FSIP2: variants seen among roughly 807,000 people sequenced by gnomAD.
FSIP2 encodes fibrous sheath interacting protein 2.
Under a neutral mutation model 510.5 loss-of-function variants are expected in FSIP2, and 367 were observed. That is an observed-to-expected ratio of 0.72 (90% CI 0.66 to 0.78). FSIP2 has a LOEUF of 0.78. FSIP2 is among the 30% of genes least tolerant of loss of function. The pLI is 0.00. For missense variants in FSIP2, 7,594 were observed against 7,901.7 expected (o/e 0.96, Z 1.48); for synonymous variants, 2,601 against 2,732.2 (o/e 0.95, Z 1.50).
rs549690641 is a variant in FSIP2, at chr2:185,769,823, C to T, written c.1411+5258C>T. Among the ~76,000 whole-genome samples, 6 of 152,144 alleles carry T rather than the reference C, an allele frequency of 3.9e-5. No individual in the cohort carries two copies. In the East Asian group the frequency reaches 5.8e-4, roughly 15 times the overall value. On this transcript the variant is annotated intron_variant, in intron 13 of 22. Transcript: ENST00000424728. ...TAGGAGGGGCCCAGTTTTGATCTTC[C>T]GCATATGGCTAGCCAGTTATTCCAG... is the stretch of plus-strand genomic sequence containing the variant.
chr2:185,743,600 T>C (rs1352233404), intron 3 of FSIP2, among the ~76,000 whole-genome samples: 1 of 152,186 alleles, frequency 6.6e-6, no homozygotes, highest in Non-Finnish European at 1.5e-5. Flanking sequence ...TTTCTCTGTC[T>C]TTAATGGCAC....
At position 185,760,453 on chromosome 2, in the gene FSIP2, G is replaced by T. The variant is rs572705637; in HGVS notation, c.1079-535G>T. ...CATGACCTGTACATGAAAGTTCAAA[G>T]AAATTTATTATTTATAAATTTTATT... On this transcript the variant is annotated intron_variant, in intron 9 of 22. Coordinates refer to ENST00000424728, the MANE Select transcript of FSIP2 (RefSeq NM_173651.4). 4.8e-5 allele frequency among the ~76,000 whole-genome samples: 7 copies of T among 147,186 alleles called. No homozygotes were observed. In the South Asian group the frequency reaches 1.5e-3, roughly 31 times the overall value.
chr2:185,801,839 C>A lies in FSIP2; in HGVS notation c.12533C>A (p.Ser4178Tyr), dbSNP rs1231462154. 1 of 1,484,668 alleles carries A rather than the reference C, an allele frequency of 6.7e-7. No homozygotes were observed. The highest frequency in any genetic ancestry group is 8.9e-7 in the Non-Finnish European group (1 of 1,120,382). The allele number at this position is 1,484,668 out of a possible 1,614,324, so 92.0% of individuals were successfully genotyped here. ...YLMSSDFNEM[S>Y]TCIINKVMSA... ...ATGAGTTCTGATTTTAATGAAATGT[C>A]CACTTGTATAATAAATAAGGTTATG... The change falls in exon 17 of 23, where the codon TCC becomes TAC. Residue 4178 changes from serine to tyrosine, a missense_variant. Transcript: ENST00000424728.
chr2:185,771,956 A>T (rs377417472), intron 13 of FSIP2, among the ~76,000 whole-genome samples: 26 of 152,318 alleles, frequency 1.7e-4, no homozygotes, highest in African/African-American at 6.0e-4. Context: ...TTTGCTGCTT[A>T]GAAATTTGTT....
chr2:185,787,647 G>A (rs1001251225), intron 15 of FSIP2, among the ~76,000 whole-genome samples: 1 of 151,722 alleles, frequency 6.6e-6, no homozygotes, highest in Non-Finnish European at 1.5e-5. Context: ...TATATTTGCA[G>A]TTGCTAAATA....
rs1692042189 is a variant in FSIP2, at chr2:185,746,778, A to G, written c.727A>G (p.Arg243Gly). ...EERRQREHTR[R>G]KLTLRRKIEE... ...AAGACGACAGCGGGAACACACAAGAAGAAAACTTACTCTTCGTAGAAAAAT... is the reference window on the plus strand; with the variant it reads ...AAGACGACAGCGGGAACACACAAGAGGAAAACTTACTCTTCGTAGAAAAAT... Residue 243 changes from arginine (R) to glycine (G), a missense_variant, in exon 6 of 23, where the codon AGA (arginine) becomes GGA (glycine). Transcript: ENST00000424728. The G allele has an allele frequency of 6.6e-7, 1 of 1,525,546 alleles. No homozygotes were observed. Among genetic ancestry groups the G allele is most frequent in the Non-Finnish European group, 8.7e-7 (1 of 1,143,426 alleles). The allele number at this position is 1,525,546 out of a possible 1,614,324, so 94.5% of individuals were successfully genotyped here. A position where few individuals can be genotyped will look rare whatever the true frequency, so the allele number is the denominator to read the frequency against.
At chr2:185,762,657 T>C (rs1205248763) in intron 11 of FSIP2, among the ~76,000 whole-genome samples, 3 of 151,386 alleles carry the variant, frequency 2.0e-5, no homozygotes, top group Non-Finnish European at 3.0e-5. Context: ...TTTCTGCCTA[T>C]TCTACTTCCT....
At position 185,807,075 on chromosome 2, in the gene FSIP2, T is replaced by G; in HGVS notation, c.17769T>G (p.Asn5923Lys). ...VNKVVHSSVC[N>K]ILNDYGSQDS... The stretch of plus-strand genomic sequence containing the variant: ...AAGTTGTTCACTCCTCTGTTTGTAA[T>G]ATTTTAAATGACTATGGATCTCAAG... Residue 5923 changes from asparagine to lysine, a missense_variant, in exon 17 of 23, where the codon AAT becomes AAG. Physicochemically the swap from Asn to Lys is moderately conservative, Grantham distance 94. Transcript: ENST00000424728. 1.3e-6 allele frequency: 2 copies of G among 1,590,270 alleles called. No individual in the cohort carries two copies. The highest frequency in any genetic ancestry group is 1.7e-6 in the Non-Finnish European group (2 of 1,172,164).
Position 185,804,366 on chromosome 2 carries a change from G to C in FSIP2, c.15060G>C (p.Met5020Ile), listed in dbSNP as rs1184920751. 10 of 1,497,780 alleles carry C rather than the reference G, an allele frequency of 6.7e-6. No homozygotes were observed. Among genetic ancestry groups the C allele is most frequent in the Non-Finnish European group, 8.8e-6 (10 of 1,131,018 alleles). 92.8% of individuals were successfully genotyped at this position (1,497,780 alleles called of 1,614,324 possible). A position where few individuals can be genotyped will look rare whatever the true frequency, so the allele number is the denominator to read the frequency against. Residue 5020 changes from methionine (M) to isoleucine (I), a missense_variant, in exon 17 of 23, where the codon ATG (methionine) becomes ATC (isoleucine). By Grantham distance (10) the Met-to-Ile change is conservative. Transcript: ENST00000424728. ...NLCFSERYKE[M>I]VQKIVNSVYG... ...GTTTCTCAGAAAGATACAAAGAAAT[G>C]GTTCAAAAAATAGTCAACTCAGTAT... is the stretch of plus-strand genomic sequence containing the variant.
chr2:185,808,870 G>T lies in FSIP2; in HGVS notation c.19564G>T (p.Val6522Phe). The T allele has an allele frequency of 6.2e-7, 1 of 1,609,584 alleles. No individual in the cohort carries two copies. Among genetic ancestry groups the T allele is most frequent in the East Asian group, 2.2e-5 (1 of 44,754 alleles). Residue 6522 changes from valine (V) to phenylalanine (F), a missense_variant, in exon 17 of 23, where the codon GTT becomes TTT. By Grantham distance (50) the Val-to-Phe change is conservative. Transcript: ENST00000424728. The part of the protein sequence containing the change: ...LSEEESPIKI[V>F]PHVGKKPVKI... ...TGAAGAGGAATCTCCAATTAAAATA[G>T]TTCCACATGTTGGAAAAAAACCAGT...
Position 185,807,655 on chromosome 2 carries a change from A to G in FSIP2, c.18349A>G (p.Ile6117Val). 1 of 1,613,026 alleles carries G rather than the reference A, an allele frequency of 6.2e-7. No individual in the cohort carries two copies. The highest frequency in any genetic ancestry group is 8.5e-7 in the Non-Finnish European group (1 of 1,179,328). ...TSGCKILSEN[I>V]VDLVLREVAS... ...TGGATGCAAAATCCTTTCAGAAAAC[A>G]TAGTTGACTTGGTTCTACGAGAAGT... is the stretch of plus-strand genomic sequence containing the variant. Residue 6117 changes from isoleucine (I) to valine (V), a missense_variant, in exon 17 of 23, where the codon ATA (isoleucine) becomes GTA (valine). Ile to Val is a conservative substitution (Grantham distance 29). Transcript: ENST00000424728.
chr2:185,752,334 G>A (rs893493832), intron 7 of FSIP2, among the ~76,000 whole-genome samples: 3 of 149,588 alleles, frequency 2.0e-5, no homozygotes, highest in African/African-American at 7.3e-5. Context: ...AACATGATTT[G>A]TTTTTCTGGA....
chr2:185,820,230 AAGG>A (rs980834045), intron 19 of FSIP2, among the ~76,000 whole-genome samples: 21 of 151,804 alleles, frequency 1.4e-4, no homozygotes, highest in African/African-American at 5.1e-4. Context: ...ATTGTTCTGT[AAGG>A]AGCTTTTCCC....
rs764511759 is a variant in FSIP2 at position 185,815,417 on chromosome 2, AC to A, written c.20373del (p.His6791GlnfsTer4). On this transcript the variant is annotated frameshift_variant, in exon 19 of 23. Transcript: ENST00000424728. LOFTEE classifies it high-confidence loss of function. The stretch of plus-strand genomic sequence containing the variant: ...ACTGAACCAACACATTACTTCATAC[AC>A]AGAATTATGAGTTCATCTTCATACA... The part of the protein sequence containing the change: ...LVTEPTHYFI[H>X]RIMSSSSYNQ... The A allele has an allele frequency of 6.5e-7, 1 of 1,544,670 alleles. No homozygotes were observed. The highest frequency in any genetic ancestry group is 8.9e-7 in the Non-Finnish European group (1 of 1,129,296).
chr2:185,738,904 T>TA lies in FSIP2; in HGVS notation c.11dup (p.Tyr4Ter). The TA allele has an allele frequency of 6.5e-7, 1 of 1,535,136 alleles. No homozygotes were observed. The highest frequency in any genetic ancestry group is 8.7e-7 in the Non-Finnish European group (1 of 1,146,688). The change falls in exon 1 of 23, where the codon TAC becomes TAAC. Residue 4 changes from tyrosine (Y) to a stop codon, truncating the protein, a stop_gained and frameshift_variant. Coordinates refer to ENST00000424728, the MANE Select transcript of FSIP2 (RefSeq NM_173651.4). LOFTEE classifies it high-confidence loss of function. ...GGGGGCTGTGCCGGCCATGGAGCTGTACCTCGGCGCCTGCTCCAAGCCTGC... is the reference window on the plus strand; with the variant it reads ...GGGGGCTGTGCCGGCCATGGAGCTGTAACCTCGGCGCCTGCTCCAAGCCTGC... MEL[Y>*]LGACSKPAKV... is the part of the protein sequence containing the mutation.
At chr2:185,745,613 C>A in intron 5 of FSIP2, 45 bp downstream of exon 5, 1 of 1,468,946 alleles carries the variant, frequency 6.8e-7, no homozygotes, top group African/African-American at 1.4e-5. Flanking sequence ...GTTGTGGACC[C>A]AAATAAGCTG....
At position 185,790,577 on chromosome 2, in the gene FSIP2, A is replaced by C. The variant is rs1264269070; in HGVS notation, c.3441A>C (p.Gly1147=). Residue 1147 remains glycine, a synonymous_variant, in exon 16 of 23, where the codon GGA becomes GGC. Transcript: ENST00000424728. ...TTCTTGTTTCAGAAAAGCCTCAAGG[A>C]CTGTCACATCAAGAATGGATAGACC... is the stretch of plus-strand genomic sequence containing the variant. ...ASVLVSEKPQ[G]LSHQEWIDQM... 6.5e-7 allele frequency: 1 copy of C among 1,533,882 alleles called. No individual in the cohort carries two copies. The highest frequency in any genetic ancestry group is 1.2e-5 in the South Asian group (1 of 83,824).
intron 13 of FSIP2, among the ~76,000 whole-genome samples, chr2:185,772,538 C>A (rs1692625207): frequency 6.6e-6 from 1 of 152,132 alleles, no homozygotes; most frequent in South Asian, 2.1e-4. Context: ...GTGTCAAACT[C>A]TTTTAAACAG....
intron 16 of FSIP2, among the ~76,000 whole-genome samples, chr2:185,799,245 GAT>G (rs2105634153): frequency 6.6e-6 from 1 of 151,872 alleles, no homozygotes; most frequent in South Asian, 2.1e-4. Context: ...TAGTCAACTT[GAT>G]ATTGCAACAC....
Sources: allele counts gnomAD v4.1 joint callset (sites outside exome capture counted in the v4.1 genomes callset), GRCh38; gene constraint gnomAD v4.1.1; transcripts MANE v1.5; gene names NCBI Gene and HGNC (gene_info 2026-07-23, HGNC 2026-07-21).